TRAPPC9: variants seen among roughly 807,000 people sequenced by gnomAD.
The protein encoded by TRAPPC9 is IKK2 binding protein.
TRAPPC9 carries 83 observed loss-of-function variants against 124.0 expected under a neutral mutation model. The observed-to-expected ratio is 0.67, with a 90% CI of 0.56 to 0.80. The LOEUF (loss-of-function observed/expected upper bound fraction) is 0.80. TRAPPC9 is among the 30% of genes least tolerant of loss of function. The pLI, the probability that TRAPPC9 is intolerant of heterozygous loss-of-function variation, is 0.00. For synonymous variants in TRAPPC9, 638 were observed against 617.5 expected (o/e 1.03, Z -0.49); for missense variants, 1,302 against 1,508.3 (o/e 0.86, Z 2.27).
chr8:140,072,724 T>C (rs72685282), intron 17 of TRAPPC9, among the ~76,000 whole-genome samples: 5 of 152,276 alleles, frequency 3.3e-5, no homozygotes, highest in Admixed American at 6.5e-5. Flanking sequence ...TATATGTGTG[T>C]ATACATAACA....
intron 16 of TRAPPC9, among the ~76,000 whole-genome samples, chr8:140,235,989 A>G (rs558910575): frequency 6.6e-6 from 1 of 152,326 alleles, no homozygotes; most frequent in East Asian, 1.9e-4. Context: ...CACTGATTTC[A>G]GACTTCTAAC....
chr8:140,079,307 C>A (rs1843681516), intron 17 of TRAPPC9, among the ~76,000 whole-genome samples: 1 of 152,132 alleles, frequency 6.6e-6, no homozygotes, highest in Admixed American at 6.5e-5. Flanking sequence ...CCAGAAGCAA[C>A]AAAGAATCTG....
intron 18 of TRAPPC9, among the ~76,000 whole-genome samples, chr8:139,997,036 C>G (rs1838045244): frequency 6.6e-6 from 1 of 152,064 alleles, no homozygotes. Flanking sequence ...CGTGAGCCAT[C>G]ACGCCTGACC....
chr8:139,748,416 AGGGGTCAGAGCAGGTGGGGAGGTGTGCAG>A (rs1207956020), intron 21 of TRAPPC9, among the ~76,000 whole-genome samples: 1 of 83,966 alleles, frequency 1.2e-5, no homozygotes, highest in Admixed American at 1.4e-4. Context: ...GGGGCTGTGC[AGGGGTCAGAGCAGGTGGGGAGGTGTGCAG>A]GGATCAGAGA....
intron 5 of TRAPPC9, among the ~76,000 whole-genome samples, chr8:140,415,620 G>T (rs948071067): frequency 5.9e-5 from 9 of 151,908 alleles, no homozygotes; most frequent in Non-Finnish European, 1.3e-4. Context: ...TACTAAAAAT[G>T]ATATGCCACA....
intron 19 of TRAPPC9, among the ~76,000 whole-genome samples, chr8:139,918,048 T>C (rs532794725): frequency 1.3e-5 from 2 of 152,214 alleles, no homozygotes; most frequent in South Asian, 2.1e-4. Context: ...AAACACTCAA[T>C]GGGAGAAACT....
chr8:139,753,175 C>T (rs1189728710), intron 21 of TRAPPC9, among the ~76,000 whole-genome samples: 4 of 150,836 alleles, frequency 2.7e-5, no homozygotes, highest in African/African-American at 4.9e-5. Context: ...TCCATCCATC[C>T]ATCCAACATC....
At chr8:139,909,654 G>A (rs111722774) in intron 20 of TRAPPC9, among the ~76,000 whole-genome samples, 20 of 152,366 alleles carry the variant, frequency 1.3e-4, no homozygotes, top group African/African-American at 4.3e-4. Flanking sequence ...CCAAAGTTCA[G>A]ACCAGGCTCA....
At chr8:140,209,994 C>T (rs1217214371) in intron 17 of TRAPPC9, among the ~76,000 whole-genome samples, 1 of 152,234 alleles carries the variant, frequency 6.6e-6, no homozygotes, top group Admixed American at 6.5e-5. Context: ...CTAAGCTGTT[C>T]AGTCATTTCC....
chr8:140,434,847 G>A, intron 4 of TRAPPC9, among the ~76,000 whole-genome samples: 1 of 152,042 alleles, frequency 6.6e-6, no homozygotes, highest in East Asian at 1.9e-4. Context: ...GCGGGCGCCT[G>A]TAATCCCAAC....
At chr8:139,797,913 T>G (rs1823216163) in intron 21 of TRAPPC9, among the ~76,000 whole-genome samples, 1 of 152,244 alleles carries the variant, frequency 6.6e-6, no homozygotes, top group South Asian at 2.1e-4. Context: ...TTGTAGTAAC[T>G]TTTGAAATTG....
chr8:140,121,982 G>A (rs549676745), intron 17 of TRAPPC9, among the ~76,000 whole-genome samples: 1 of 151,984 alleles, frequency 6.6e-6, no homozygotes, highest in African/African-American at 2.4e-5. Flanking sequence ...ACATGAGACT[G>A]TAGGCTCATG....
At chr8:139,930,897 AC>A (rs1268590189) in intron 19 of TRAPPC9, among the ~76,000 whole-genome samples, 1 of 152,040 alleles carries the variant, frequency 6.6e-6, no homozygotes, top group African/African-American at 2.4e-5. Context: ...TACGCTGGAC[AC>A]CTGCATTAGC....
rs71318317 is a variant in TRAPPC9 at position 139,917,167 on chromosome 8, C to CTTTTTTTTTTTTTTTTTTTTTTTT, written c.2811-6868_2811-6867insAAAAAAAAAAAAAAAAAAAAAAAA. ...AGAAATCCTTCTTCATTATTATTTTCTTTTTTTTTTTTTTTTTTTTTGTTG... is the reference window on the plus strand; with the variant it reads ...AGAAATCCTTCTTCATTATTATTTTCTTTTTTTTTTTTTTTTTTTTTTTTTTTTTTTTTTTTTTTTTTTTTGTTG... On this transcript the variant is annotated intron_variant, in intron 19 of 22. Transcript: ENST00000438773. Among the ~76,000 whole-genome samples, 69 of 99,922 alleles carry CTTTTTTTTTTTTTTTTTTTTTTTT rather than the reference C, an allele frequency of 6.9e-4. 1 individual carries two copies. Among genetic ancestry groups the CTTTTTTTTTTTTTTTTTTTTTTTT allele is most frequent in the South Asian group, 1.1e-3 (3 of 2,712 alleles). 65.6% of individuals were successfully genotyped at this position (99,922 alleles called of 152,430 possible). A position where few individuals can be genotyped will look rare whatever the true frequency, so the allele number is the denominator to read the frequency against.
chr8:139,974,307 T>C (rs953515016), intron 19 of TRAPPC9, among the ~76,000 whole-genome samples: 35 of 152,170 alleles, frequency 2.3e-4, no homozygotes, highest in African/African-American at 8.0e-4. Context: ...AGAGCGTGGA[T>C]GTACAGTCTC....
In TRAPPC9 at chr8:140,443,758, C is replaced by T. The variant is rs549593607; in HGVS notation, c.585-4561G>A. ...TCTACTAAAAATACTAAAATTAGGC[C>T]GGGCATGGTGGCTCACGCCTGTAAT... On this transcript the variant is annotated intron_variant, in intron 2 of 22. Coordinates refer to ENST00000438773, the MANE Select transcript of TRAPPC9 (RefSeq NM_001160372.4). 4.6e-5 allele frequency among the ~76,000 whole-genome samples: 7 copies of T among 152,076 alleles called. No individual in the cohort carries two copies. In the Middle Eastern group the frequency reaches 0.01, roughly 222 times the overall value.
intron 19 of TRAPPC9, chr8:139,932,490 C>T (rs962245115): frequency 2.0e-5 from 9 of 456,866 alleles, no homozygotes; most frequent in Middle Eastern, 3.8e-4. Flanking sequence ...ACACTGGGCG[C>T]GGTGGCTCAC....
At chr8:139,790,575 A>G (rs1483437859) in intron 21 of TRAPPC9, among the ~76,000 whole-genome samples, 2 of 152,158 alleles carry the variant, frequency 1.3e-5, no homozygotes, top group Non-Finnish European at 2.9e-5. Context: ...CACTTGGCGG[A>G]GCCTGGAGAC....
intron 21 of TRAPPC9, among the ~76,000 whole-genome samples, chr8:139,854,927 T>C (rs560971447): frequency 1.3e-5 from 2 of 152,316 alleles, no homozygotes; most frequent in South Asian, 4.1e-4. Context: ...ACCCCCTTCC[T>C]GGCTTGAAGC....
Sources: gnomAD v4.1 joint callset for allele counts (sites outside exome capture counted in the v4.1 genomes callset) on GRCh38, gnomAD v4.1.1 for gene constraint, MANE v1.5 for transcripts, NCBI Gene and HGNC (gene_info 2026-07-23, HGNC 2026-07-21) for gene names.